Variants in PIEZO2 observed in about 807,000 individuals in gnomAD.
PIEZO2 encodes the protein piezo type mechanosensitive ion channel component 2.
In PIEZO2, 172 loss-of-function variants were observed where a neutral mutation model predicts 337.3. The observed-to-expected ratio is 0.51, with a 90% CI of 0.45 to 0.58. PIEZO2 has a LOEUF of 0.58. Among genes scored for constraint, PIEZO2 ranks in the 20% least tolerant of loss-of-function variants. The pLI is 0.00. For synonymous variants in PIEZO2, 1,251 were observed against 1,228.5 expected, an observed-to-expected ratio of 1.02 and a Z score of -0.38; for missense variants, 3,028 against 3,391.3, an observed-to-expected ratio of 0.89 and a Z score of 2.66.
chr18:10,835,589 G>C (rs1275803796), intron 7 of PIEZO2, among the ~76,000 whole-genome samples: 1 of 150,370 alleles, frequency 6.7e-6, no homozygotes, highest in African/African-American at 2.5e-5. Flanking sequence ...TGTCACCCAG[G>C]CTGGAGTGCA....
At chr18:10,845,016 T>C (rs1054609382) in intron 7 of PIEZO2, among the ~76,000 whole-genome samples, 1 of 152,150 alleles carries the variant, frequency 6.6e-6, no homozygotes, top group African/African-American at 2.4e-5. Context: ...TTATTATAGT[T>C]TTAATTAAAT....
chr18:10,883,709 T>C (rs181951127), intron 4 of PIEZO2, among the ~76,000 whole-genome samples: 1 of 152,238 alleles, frequency 6.6e-6, no homozygotes, highest in African/African-American at 2.4e-5. Context: ...GAACTTATTC[T>C]TCCTGGTGTA....
Position 10,853,098 on chromosome 18 carries a change from T to C in PIEZO2, c.917+2255A>G, listed in dbSNP as rs1488806059. 6.6e-6 allele frequency among the ~76,000 whole-genome samples: 1 copy of C among 152,148 alleles called. No homozygotes were observed. The highest frequency in any genetic ancestry group is 2.4e-5 in the African/African-American group (1 of 41,444). On this transcript the variant is annotated intron_variant, in intron 7 of 55. Transcript: ENST00000674853. This position sits in a 1 kb window ranked among gnomAD's most constrained non-coding sequence, Gnocchi z 4.2. ...ACTGGTACATGACCTTGTAGGAGCA[T>C]TCGGTGAGGGAAGAGCACTTCAAGT... is the stretch of plus-strand genomic sequence containing the variant.
chr18:10,681,133 T>C (rs544762993), intron 51 of PIEZO2, among the ~76,000 whole-genome samples: 4 of 152,354 alleles, frequency 2.6e-5, no homozygotes, highest in Non-Finnish European at 5.9e-5. Context: ...AGAAAATCTT[T>C]GGACAACATG....
In PIEZO2 at chr18:10,696,099, A is replaced by C. The variant is rs144506740; in HGVS notation, c.7165T>G (p.Phe2389Val). Residue 2389 changes from phenylalanine to valine, a missense_variant, in exon 47 of 56, where the codon TTC (phenylalanine) becomes GTC (valine). Transcript: ENST00000674853. ...LVFGIHFWMF[F>V]ILPGVTERKF... ...CTCTCAGTCACACCAGGTAAGATGA[A>C]GAACATCCAGAAGTGAATTCCGAAC... 836 of 1,614,034 alleles carry C rather than the reference A, an allele frequency of 5.2e-4. No individual in the cohort carries two copies. The highest frequency in any genetic ancestry group is 6.9e-4 in the Non-Finnish European group (814 of 1,179,978).
chr18:10,675,260 C>A lies in PIEZO2; in HGVS notation c.8110G>T (p.Val2704Leu), dbSNP rs558652174. ...GAGTTAGAATCACTAGGTGCTTTCACATAATATGGATAAATCTTTTCTATG... is the reference window on the plus strand; with the variant it reads ...GAGTTAGAATCACTAGGTGCTTTCAAATAATATGGATAAATCTTTTCTATG... Reference protein sequence around the residue: ...VTIEKIYPYYVKAPSDSNSKP... With the variant: ...VTIEKIYPYYLKAPSDSNSKP... Residue 2704 changes from valine (V) to leucine (L), a missense_variant, in exon 54 of 56, where the codon GTG (valine) becomes TTG (leucine). Transcript: ENST00000674853. 6.5e-7 allele frequency: 1 copy of A among 1,540,718 alleles called. No homozygotes were observed. Among genetic ancestry groups the A allele is most frequent in the Non-Finnish European group, 8.8e-7 (1 of 1,139,524 alleles).
At chr18:11,124,760 T>C (rs1188477426) in intron 1 of PIEZO2, among the ~76,000 whole-genome samples, 1 of 152,146 alleles carries the variant, frequency 6.6e-6, no homozygotes, top group Non-Finnish European at 1.5e-5. Flanking sequence ...CAGGGAACTC[T>C]GGCCCCTTTA....
rs1268063460 is a variant in PIEZO2, at chr18:11,111,868, T to G, written c.64+36657A>C. 6.6e-6 allele frequency among the ~76,000 whole-genome samples: 1 copy of G among 152,174 alleles called. No individual in the cohort carries two copies. The highest frequency in any genetic ancestry group is 1.5e-5 in the Non-Finnish European group (1 of 68,044). Reference sequence around the variant, plus strand: ...ACTTTTAGATGTAAACAACCATGGATAGATTATAAAGTCAAATAACAATGT... The same window carrying G: ...ACTTTTAGATGTAAACAACCATGGAGAGATTATAAAGTCAAATAACAATGT... On this transcript the variant is annotated intron_variant, in intron 1 of 55. Transcript: ENST00000674853. The surrounding 1 kb of genome is among the most constrained non-coding windows in gnomAD (Gnocchi z 6.2).
At chr18:11,091,543 ATTACT>A (rs1404536085) in intron 1 of PIEZO2, among the ~76,000 whole-genome samples, 21 of 152,178 alleles carry the variant, frequency 1.4e-4, no homozygotes, top group African/African-American at 5.1e-4. Context: ...TTTTAGACAA[ATTACT>A]TAACAAACAA....
chr18:11,011,447 G>A (rs2035897906), intron 2 of PIEZO2, among the ~76,000 whole-genome samples: 3 of 152,118 alleles, frequency 2.0e-5, no homozygotes, highest in Non-Finnish European at 4.4e-5. Context: ...CTCCTTTGGT[G>A]TATATTTATG....
intron 2 of PIEZO2, among the ~76,000 whole-genome samples, chr18:10,981,237 G>C (rs990138115): frequency 4.6e-5 from 7 of 151,996 alleles, no homozygotes; most frequent in Admixed American, 2.6e-4. Context: ...AAAGTGTTAT[G>C]TCATAGTTTC....
At chr18:10,843,766 A>G (rs2041265659) in intron 7 of PIEZO2, among the ~76,000 whole-genome samples, 1 of 152,194 alleles carries the variant, frequency 6.6e-6, no homozygotes, top group African/African-American at 2.4e-5. Flanking sequence ...ATTCTCCAGC[A>G]GTGCTCCCTG....
intron 11 of PIEZO2, among the ~76,000 whole-genome samples, chr18:10,798,555 T>G (rs2039692609): frequency 6.6e-6 from 1 of 152,240 alleles, no homozygotes; most frequent in Non-Finnish European, 1.5e-5. Flanking sequence ...GTTACTGCCA[T>G]GCTGCTTCTC....
At chr18:10,907,215 G>A (rs1310969522) in intron 4 of PIEZO2, among the ~76,000 whole-genome samples, 1 of 152,146 alleles carries the variant, frequency 6.6e-6, no homozygotes, top group Admixed American at 6.5e-5. Flanking sequence ...GGCTGAGGCA[G>A]GTGGATCACC....
intron 17 of PIEZO2, 49 bp from the exon 18 acceptor site, chr18:10,780,415 G>C (rs1404191929): frequency 1.4e-6 from 1 of 702,582 alleles, no homozygotes; most frequent in Non-Finnish European, 2.6e-6. Context: ...GAGACAGGTT[G>C]GAGAGAAAGA....
chr18:10,719,141 A>C (rs890683650), intron 36 of PIEZO2, among the ~76,000 whole-genome samples: 1 of 152,180 alleles, frequency 6.6e-6, no homozygotes, highest in Non-Finnish European at 1.5e-5. Context: ...CTAGCAAATG[A>C]AAGTGCAAGA....
At position 10,819,347 on chromosome 18, in the gene PIEZO2, C is replaced by G. The variant is rs1340562555; in HGVS notation, c.918-12073G>C. On this transcript the variant is annotated intron_variant, in intron 7 of 55. Transcript: ENST00000674853. The surrounding 1 kb of genome is among the most constrained non-coding windows in gnomAD (Gnocchi z 4.3). ...GAAATTCTTAAAGTGTACATTTTCTCTTTCATTATTCTAATGAATATCTAT... is the reference window on the plus strand; with the variant it reads ...GAAATTCTTAAAGTGTACATTTTCTGTTTCATTATTCTAATGAATATCTAT... 6.6e-6 allele frequency among the ~76,000 whole-genome samples: 1 copy of G among 152,050 alleles called. No individual in the cohort carries two copies. The highest frequency in any genetic ancestry group is 1.9e-4 in the East Asian group (1 of 5,196).
intron 4 of PIEZO2, among the ~76,000 whole-genome samples, chr18:10,886,210 A>G (rs879890826): frequency 1.4e-5 from 2 of 147,178 alleles, no homozygotes; most frequent in Non-Finnish European, 3.0e-5. Flanking sequence ...TCAGATAAGT[A>G]AAGACAAGAC....
intron 2 of PIEZO2, among the ~76,000 whole-genome samples, chr18:11,059,993 C>A (rs908583712): frequency 1.3e-5 from 2 of 152,106 alleles, no homozygotes; most frequent in African/African-American, 4.8e-5. Flanking sequence ...CCAAAATTGA[C>A]CACATAGTTG....
Sources: allele counts gnomAD v4.1 joint callset (sites outside exome capture counted in the v4.1 genomes callset), GRCh38; gene constraint gnomAD v4.1.1; non-coding constraint Gnocchi (gnomAD v3.1); transcripts MANE v1.5; gene names NCBI Gene and HGNC (gene_info 2026-07-23, HGNC 2026-07-21).